Variants in IL1RAPL2 observed in about 807,000 individuals in gnomAD.
IL1RAPL2 encodes the protein X-linked interleukin-1 receptor accessory protein-like 2.
Under a neutral mutation model 44.1 loss-of-function variants are expected in IL1RAPL2, and 3 were observed. That is an observed-to-expected ratio of 0.07 (90% CI 0.03 to 0.18). IL1RAPL2 has a LOEUF of 0.18. IL1RAPL2 is among the 10% of genes least tolerant of loss of function. The pLI is 1.00. For synonymous variants in IL1RAPL2, 181 were observed against 178.8 expected (o/e 1.01, Z -0.10); for missense variants, 391 against 496.4 (o/e 0.79, Z 2.02).
intron 2 of IL1RAPL2, among the ~76,000 whole-genome samples, chrX:104,765,012 T>G (rs1323033087): frequency 7.1e-5 from 8 of 112,021 alleles, no homozygotes; most frequent in East Asian, 2.8e-4. Context: ...TGGTCTGTAG[T>G]TTTTTTATAT....
intron 5 of IL1RAPL2, among the ~76,000 whole-genome samples, chrX:105,464,209 A>G (rs1002298688): frequency 1.2e-4 from 13 of 112,411 alleles, no homozygotes; most frequent in African/African-American, 3.9e-4. Context: ...GCTTCAATTT[A>G]TCAAGTTCTT....
chrX:105,732,122 C>T (rs186885149), intron 7 of IL1RAPL2, among the ~76,000 whole-genome samples: 1 of 111,679 alleles, frequency 9.0e-6, no homozygotes, highest in Non-Finnish European at 1.9e-5. Context: ...GCTGGTTAAA[C>T]ATCTACTATA....
At chrX:104,830,035 G>A (rs1387677757) in intron 2 of IL1RAPL2, among the ~76,000 whole-genome samples, 1 of 111,662 alleles carries the variant, frequency 9.0e-6, no homozygotes, top group Admixed American at 9.6e-5. Context: ...AGCTCCCTGT[G>A]CTGTTTTTAC....
chrX:104,589,676 T>G (rs2147996268), intron 1 of IL1RAPL2, among the ~76,000 whole-genome samples: 1 of 112,405 alleles, frequency 8.9e-6, no homozygotes, highest in Non-Finnish European at 1.9e-5. Context: ...TGATGTCTTT[T>G]TTTCACTTTG....
chrX:105,083,858 A>G, intron 2 of IL1RAPL2, among the ~76,000 whole-genome samples: 2 of 112,137 alleles, frequency 1.8e-5, no homozygotes, highest in Admixed American at 1.9e-4. Flanking sequence ...CACTGCAAAA[A>G]CATACCAAAT....
chrX:105,119,217 A>G (rs1441711212), intron 2 of IL1RAPL2, among the ~76,000 whole-genome samples: 1 of 111,423 alleles, frequency 9.0e-6, no homozygotes, highest in African/African-American at 3.3e-5. Flanking sequence ...TTTGAATTGA[A>G]GGATTTGAAT....
chrX:105,007,650 G>C (rs1038803026), intron 2 of IL1RAPL2, among the ~76,000 whole-genome samples: 26 of 111,811 alleles, frequency 2.3e-4, no homozygotes, highest in Non-Finnish European at 4.0e-4. Flanking sequence ...AATGATTCAT[G>C]CTAAGCACAG....
At chrX:105,016,259 A>G (rs954406694) in intron 2 of IL1RAPL2, among the ~76,000 whole-genome samples, 6 of 111,601 alleles carry the variant, frequency 5.4e-5, no homozygotes, top group African/African-American at 2.0e-4. Flanking sequence ...TTATCTGGAA[A>G]CAGAGACAAT....
chrX:105,272,279 T>C (rs1040199800), intron 5 of IL1RAPL2, among the ~76,000 whole-genome samples: 13 of 108,593 alleles, frequency 1.2e-4, no homozygotes, highest in African/African-American at 4.4e-4. Flanking sequence ...ACTTAAAGTA[T>C]AATAAAAAAA....
intron 1 of IL1RAPL2, among the ~76,000 whole-genome samples, chrX:104,607,601 A>C (rs1474200258): frequency 1.8e-5 from 2 of 112,512 alleles, no homozygotes; most frequent in Non-Finnish European, 3.7e-5. Context: ...TCTAAAGAAG[A>C]CATTTATGCA....
chrX:105,065,880 T>C (rs774452223), intron 2 of IL1RAPL2, among the ~76,000 whole-genome samples: 4 of 111,309 alleles, frequency 3.6e-5, no homozygotes, highest in Middle Eastern at 4.6e-3. Flanking sequence ...TCTTTTTAGG[T>C]TTATCTGTAT....
At chrX:105,134,528 CT>C (rs1241731413) in intron 2 of IL1RAPL2, among the ~76,000 whole-genome samples, 3 of 111,698 alleles carry the variant, frequency 2.7e-5, no homozygotes, top group African/African-American at 9.7e-5. Context: ...TTTTCCTACT[CT>C]ATCAACATTG....
intron 5 of IL1RAPL2, among the ~76,000 whole-genome samples, chrX:105,268,962 G>A (rs1037384179): frequency 9.1e-6 from 1 of 110,143 alleles, no homozygotes; most frequent in African/African-American, 3.3e-5. Flanking sequence ...AATTAAAAAA[G>A]TATGTGTGTG....
Position 104,931,994 on chromosome X carries a change from A to ATTT in IL1RAPL2, c.83-263480_83-263479insTTT, listed in dbSNP as rs758080790. 1.5e-3 allele frequency among the ~76,000 whole-genome samples: 88 copies of ATTT among 57,823 alleles called. 2 individuals are homozygous for ATTT. The highest frequency in any genetic ancestry group is 7.3e-3 in the South Asian group (10 of 1,379). 50.2% of individuals were successfully genotyped at this position (57,823 alleles called of 115,157 possible). On this transcript the variant is annotated intron_variant, in intron 2 of 10. Coordinates refer to ENST00000372582, the MANE Select transcript of IL1RAPL2 (RefSeq NM_017416.2). Reference sequence around the variant, plus strand: ...TGTGTGTTTGTATATATATATATATATATTTTTTTTTTTTTGAGACAGAGT... The same window carrying ATTT: ...TGTGTGTTTGTATATATATATATATATTTTATTTTTTTTTTTTTGAGACAGAGT...
intron 2 of IL1RAPL2, among the ~76,000 whole-genome samples, chrX:104,959,603 G>C (rs146555407): frequency 9.0e-6 from 1 of 111,260 alleles, no homozygotes; most frequent in Non-Finnish European, 1.9e-5. Flanking sequence ...GACTTAGTAC[G>C]TAATTATTGA....
chrX:104,999,320 G>C (rs1391256361), intron 2 of IL1RAPL2, among the ~76,000 whole-genome samples: 1 of 111,555 alleles, frequency 9.0e-6, no homozygotes, highest in Non-Finnish European at 1.9e-5. Context: ...GGGAGGACAG[G>C]ATAGGGAGAT....
chrX:105,480,828 T>C (rs2036228749), intron 5 of IL1RAPL2, among the ~76,000 whole-genome samples: 1 of 112,314 alleles, frequency 8.9e-6, no homozygotes, highest in South Asian at 3.7e-4. Context: ...AAGGTGCTGA[T>C]AGATTTGTCT....
chrX:105,253,920 T>C (rs2080564909), intron 4 of IL1RAPL2, among the ~76,000 whole-genome samples: 1 of 112,081 alleles, frequency 8.9e-6, no homozygotes, highest in Non-Finnish European at 1.9e-5. Flanking sequence ...CATGGTGATA[T>C]GTACCACATT....
intron 5 of IL1RAPL2, among the ~76,000 whole-genome samples, chrX:105,369,150 A>G (rs1253625843): frequency 9.1e-6 from 1 of 109,776 alleles, no homozygotes; most frequent in Non-Finnish European, 1.9e-5. Context: ...ACATATCTCC[A>G]TTTCATTAAG....
Sources: allele counts gnomAD v4.1 joint callset (sites outside exome capture counted in the v4.1 genomes callset), GRCh38; gene constraint gnomAD v4.1.1; transcripts MANE v1.5; gene names NCBI Gene and HGNC (gene_info 2026-07-23, HGNC 2026-07-21).